Variants in ROCK1 observed in about 807,000 individuals in gnomAD.
ROCK1 encodes the protein Rho associated coiled-coil containing protein kinase 1, also known as rho-associated protein kinase 1.
In ROCK1, 36 loss-of-function variants were observed where a neutral mutation model predicts 196.8. The observed-to-expected ratio is 0.18, with a 90% confidence interval of 0.14 to 0.24. The LOEUF is 0.24. Ranked by LOEUF, ROCK1 falls within the 10% of genes least tolerant of loss-of-function variation. The pLI is 1.00. For missense variants in ROCK1, 920 were observed against 1,562.0 expected (o/e 0.59, Z 6.93); for synonymous variants, 443 against 515.9 (o/e 0.86, Z 1.91).
intron 2 of ROCK1, among the ~76,000 whole-genome samples, chr18:21,069,576 T>C (rs1480220821): frequency 6.6e-6 from 1 of 151,822 alleles, no homozygotes; most frequent in Non-Finnish European, 1.5e-5. Context: ...GCCATTACTT[T>C]AAAAAAAACC....
rs9959590 is a variant in ROCK1, at chr18:21,008,758, G to C, written c.1411-564C>G. Among the ~76,000 whole-genome samples the C allele has an allele frequency of 9.3e-3, 1,422 of 152,272 alleles. 17 individuals are homozygous for C. The highest frequency in any genetic ancestry group is 0.033 in the African/African-American group (1,366 of 41,538). On this transcript the variant is annotated intron_variant, in intron 13 of 32. Coordinates refer to ENST00000399799, the MANE Select transcript of ROCK1 (RefSeq NM_005406.3). ...TCATTCAAGGTCTTTCTGATTCTAA[G>C]AGTTTATCATTCTAACTTTTAGTTA...
chr18:21,012,755 G>A (rs186365503), intron 13 of ROCK1, among the ~76,000 whole-genome samples: 38 of 152,184 alleles, frequency 2.5e-4, no homozygotes, highest in Admixed American at 2.3e-3. Context: ...AGTAATTCGA[G>A]TGACACAAAT....
At chr18:21,102,598 T>C (rs1043109290) in intron 1 of ROCK1, among the ~76,000 whole-genome samples, 1 of 152,172 alleles carries the variant, frequency 6.6e-6, no homozygotes, top group Non-Finnish European at 1.5e-5. Flanking sequence ...GTTTGAGGGC[T>C]GGGTGCTGTG....
At chr18:21,026,656 C>T (rs912574508) in intron 10 of ROCK1, among the ~76,000 whole-genome samples, 1 of 151,964 alleles carries the variant, frequency 6.6e-6, no homozygotes, top group African/African-American at 2.4e-5. Flanking sequence ...TTTCAAAAAG[C>T]CGGACTAAAT....
At position 20,947,118 on chromosome 18, in the gene ROCK1, A is replaced by G. The variant is rs558602320; in HGVS notation, c.*4266T>C. 3 of 152,348 alleles carry G rather than the reference A, an allele frequency of 2.0e-5. No homozygotes were observed. The highest frequency in any genetic ancestry group is 1.3e-4 in the Admixed American group (2 of 15,292). 9.4% of individuals were successfully genotyped at this position (152,348 alleles called of 1,614,324 possible). On this transcript the variant is annotated 3_prime_UTR_variant, in exon 33 of 33. Transcript: ENST00000399799. The stretch of plus-strand genomic sequence containing the variant: ...GAGAAAGTATCATATCTTAATTCTC[A>G]TAAGACAATTCATTAACATTTGGCA...
intron 22 of ROCK1, among the ~76,000 whole-genome samples, chr18:20,974,045 C>T (rs1042341482): frequency 1.3e-5 from 2 of 152,174 alleles, no homozygotes; most frequent in African/African-American, 4.8e-5. Context: ...GCTGGGATTA[C>T]AGGCGTGAGC....
intron 13 of ROCK1, 102 bp downstream of exon 13, chr18:21,015,329 G>A (rs2143453355): frequency 1.2e-6 from 1 of 807,632 alleles, no homozygotes; most frequent in African/African-American, 1.7e-5. Context: ...TCTGTTTTGT[G>A]TTTCAAACTA....
intron 1 of ROCK1, among the ~76,000 whole-genome samples, chr18:21,095,209 T>G (rs1352949401): frequency 6.6e-6 from 1 of 150,832 alleles, no homozygotes; most frequent in African/African-American, 2.4e-5. Context: ...GAGGCAATAA[T>G]GAATACAACT....
chr18:21,104,377 C>T (rs2036685174), intron 1 of ROCK1, among the ~76,000 whole-genome samples: 1 of 152,076 alleles, frequency 6.6e-6, no homozygotes, highest in African/African-American at 2.4e-5. Context: ...GCGGGCGGAT[C>T]ACGAGGCCAG....
At chr18:20,958,572 A>G (rs1264642679) in intron 29 of ROCK1, among the ~76,000 whole-genome samples, 1 of 151,830 alleles carries the variant, frequency 6.6e-6, no homozygotes, top group African/African-American at 2.4e-5. Context: ...TCATTACAAA[A>G]GAACAGATAT....
intron 2 of ROCK1, among the ~76,000 whole-genome samples, chr18:21,065,655 C>T (rs999688978): frequency 6.6e-6 from 1 of 152,080 alleles, no homozygotes; most frequent in African/African-American, 2.4e-5. Context: ...TGACTAACTC[C>T]CACAACAATC....
chr18:20,981,160 C>T (rs573577977), intron 21 of ROCK1, among the ~76,000 whole-genome samples: 6 of 151,892 alleles, frequency 4.0e-5, no homozygotes, highest in East Asian at 1.9e-4. Flanking sequence ...TTTGGGAGGC[C>T]GAGGCGGGCA....
chr18:21,011,962 G>A lies in ROCK1; in HGVS notation c.1410+3469C>T, dbSNP rs570538690. Among the ~76,000 whole-genome samples the A allele has an allele frequency of 3.1e-4, 47 of 151,668 alleles. No individual in the cohort carries two copies. In the East Asian group the frequency reaches 7.4e-3, roughly 24 times the overall value. ...TTCAAAATTCCTCCTTTTTCTTTTG[G>A]AGACAGAGTCTTGCTGTGTCACCCA... On this transcript the variant is annotated intron_variant, in intron 13 of 32. Coordinates refer to ENST00000399799, the MANE Select transcript of ROCK1 (RefSeq NM_005406.3).
At chr18:21,060,330 T>A (rs1024663257) in intron 2 of ROCK1, among the ~76,000 whole-genome samples, 1 of 152,182 alleles carries the variant, frequency 6.6e-6, no homozygotes. Flanking sequence ...TTTTGCTCTA[T>A]GAAAGACATT....
At chr18:21,021,687 C>T (rs1189880714) in intron 11 of ROCK1, among the ~76,000 whole-genome samples, 1 of 152,066 alleles carries the variant, frequency 6.6e-6, no homozygotes, top group Non-Finnish European at 1.5e-5. Flanking sequence ...ATTAGTATAT[C>T]CCCCCTGATA....
intron 11 of ROCK1, among the ~76,000 whole-genome samples, chr18:21,021,221 C>T (rs1568385526): frequency 6.6e-6 from 1 of 152,090 alleles, no homozygotes; most frequent in Non-Finnish European, 1.5e-5. Context: ...GACAGGAAAA[C>T]AGTGAGTTTA....
chr18:21,062,624 T>C (rs976393461), intron 2 of ROCK1, among the ~76,000 whole-genome samples: 1 of 152,036 alleles, frequency 6.6e-6, no homozygotes, highest in Non-Finnish European at 1.5e-5. Context: ...CAGGAGAGTA[T>C]GGAAAGGGAA....
intron 1 of ROCK1, among the ~76,000 whole-genome samples, chr18:21,073,522 G>T (rs1050073339): frequency 6.6e-6 from 1 of 152,110 alleles, no homozygotes; most frequent in Non-Finnish European, 1.5e-5. Context: ...CATCATTTAG[G>T]ATTAAATCCA....
chr18:21,047,746 C>A (rs896910832), intron 4 of ROCK1, among the ~76,000 whole-genome samples: 4 of 151,000 alleles, frequency 2.6e-5, no homozygotes, highest in Non-Finnish European at 5.9e-5. Context: ...TGCAGTGAGC[C>A]GAGATCGCAC....
Sources: allele counts gnomAD v4.1 joint callset (sites outside exome capture counted in the v4.1 genomes callset), GRCh38; gene constraint gnomAD v4.1.1; transcripts MANE v1.5; gene names NCBI Gene and HGNC (gene_info 2026-07-23, HGNC 2026-07-21).